The following ZMIZ1 variants were observed in gnomAD, a reference collection of about 807,000 sequenced individuals.
The protein encoded by ZMIZ1 is zinc finger MIZ domain-containing protein 1.
Under a neutral mutation model 113.9 loss-of-function variants are expected in ZMIZ1, and 17 were observed. That is an observed-to-expected ratio of 0.15 (90% CI 0.10 to 0.22). The LOEUF (loss-of-function observed/expected upper bound fraction) is 0.22. Among genes scored for constraint, ZMIZ1 ranks in the 10% least tolerant of loss-of-function variants. The pLI is 1.00. For synonymous variants in ZMIZ1, 607 were observed against 603.1 expected (o/e 1.01, Z -0.09); for missense variants, 1,059 against 1,477.8 (o/e 0.72, Z 4.65).
At chr10:79,269,899 C>G (rs895535404) in intron 7 of ZMIZ1, among the ~76,000 whole-genome samples, 4 of 152,216 alleles carry the variant, frequency 2.6e-5, no homozygotes, top group African/African-American at 9.7e-5. Context: ...CCCCGTGACA[C>G]CCGACCCGAT....
chr10:79,108,012 G>C (rs1843618076), intron 1 of ZMIZ1, among the ~76,000 whole-genome samples: 1 of 152,116 alleles, frequency 6.6e-6, no homozygotes, highest in South Asian at 2.1e-4. Context: ...ATCTGTCTAT[G>C]CAATATAAAG....
At chr10:79,213,318 T>C (rs1026956596) in intron 6 of ZMIZ1, among the ~76,000 whole-genome samples, 3 of 152,134 alleles carry the variant, frequency 2.0e-5, no homozygotes, top group Non-Finnish European at 4.4e-5. Flanking sequence ...ACCCAGGGGA[T>C]AGGAATGCAT....
intron 1 of ZMIZ1, among the ~76,000 whole-genome samples, chr10:79,092,868 T>G (rs1347668428): frequency 6.6e-6 from 1 of 152,084 alleles, no homozygotes; most frequent in Non-Finnish European, 1.5e-5. Context: ...ATTTTGTTTT[T>G]TTTCTTTTGG....
intron 6 of ZMIZ1, among the ~76,000 whole-genome samples, chr10:79,213,195 G>A (rs1003853597): frequency 6.6e-6 from 1 of 152,218 alleles, no homozygotes; most frequent in Non-Finnish European, 1.5e-5. Flanking sequence ...CCACTGGGGT[G>A]AGAATGGGCC....
At chr10:79,163,616 G>A (rs963919046) in intron 4 of ZMIZ1, among the ~76,000 whole-genome samples, 1 of 152,242 alleles carries the variant, frequency 6.6e-6, no homozygotes, top group African/African-American at 2.4e-5. Context: ...AACCCACAGA[G>A]CCATCAGTGC....
chr10:79,267,260 C>T (rs1196476178), intron 7 of ZMIZ1, among the ~76,000 whole-genome samples: 1 of 152,158 alleles, frequency 6.6e-6, no homozygotes, highest in Non-Finnish European at 1.5e-5. Context: ...CAGGGAGCAC[C>T]CAGTGTGAAG....
chr10:79,242,523 C>T lies in ZMIZ1; in HGVS notation c.280+26249C>T, dbSNP rs1022232531. ...AAAATCCTTTAAACCGAGATTTAAT[C>T]TGGATGCCTAGCCCCGCCCTCCCCT... is the stretch of plus-strand genomic sequence containing the variant. On this transcript the variant is annotated intron_variant, in intron 7 of 24. Coordinates refer to ENST00000334512, the MANE Select transcript of ZMIZ1 (RefSeq NM_020338.4). Among the ~76,000 whole-genome samples the T allele has an allele frequency of 5.3e-5, 8 of 152,044 alleles. No homozygotes were observed. The East Asian group carries it at 1.6e-3, about 30-fold the overall frequency.
Position 79,153,625 on chromosome 10 carries a change from G to A in ZMIZ1, c.-130-8428G>A, listed in dbSNP as rs181343289. Among the ~76,000 whole-genome samples, 207 of 152,310 alleles carry A rather than the reference G, an allele frequency of 1.4e-3. 1 individual carries two copies. The highest frequency in any genetic ancestry group is 3.4e-3 in the Middle Eastern group (1 of 292). ...AAATAGCAAGTGCTCCTGTTGCCTG[G>A]GCTCTGAAAGCCAGAGGTTGAACCA... On this transcript the variant is annotated intron_variant, in intron 3 of 24. Transcript: ENST00000334512.
At chr10:79,204,518 G>A (rs894693196) in intron 5 of ZMIZ1, among the ~76,000 whole-genome samples, 4 of 152,304 alleles carry the variant, frequency 2.6e-5, no homozygotes, top group South Asian at 4.1e-4. Flanking sequence ...CACTTCCTGG[G>A]CACCCAGCTG....
chr10:79,305,714 C>T (rs908093547), intron 21 of ZMIZ1, 113 bp downstream of exon 21: 44 of 1,091,846 alleles, frequency 4.0e-5, no homozygotes, highest in South Asian at 3.1e-4. Flanking sequence ...GCCAGCAGAC[C>T]GTGACCCACA....
At chr10:79,198,839 G>A (rs1847948416) in intron 4 of ZMIZ1, among the ~76,000 whole-genome samples, 1 of 152,060 alleles carries the variant, frequency 6.6e-6, no homozygotes, top group South Asian at 2.1e-4. Flanking sequence ...TTCGAGACCA[G>A]CCTGGCCAGT....
chr10:79,247,121 A>G (rs899340181), intron 7 of ZMIZ1, among the ~76,000 whole-genome samples: 1 of 151,780 alleles, frequency 6.6e-6, no homozygotes, highest in Non-Finnish European at 1.5e-5. Flanking sequence ...CCCTGACCTG[A>G]CTGAAGTGGG....
intron 8 of ZMIZ1, chr10:79,285,462 C>T (rs1181964651): frequency 2.2e-6 from 1 of 456,054 alleles, no homozygotes; most frequent in Non-Finnish European, 4.4e-6. Context: ...GATGAGGTTG[C>T]TGAGGCATAC....
At chr10:79,257,107 C>G (rs75081012) in intron 7 of ZMIZ1, among the ~76,000 whole-genome samples, 2,165 of 152,294 alleles carry the variant, frequency 0.014, 22 homozygotes, top group Admixed American at 0.021. Context: ...TAAGCAAGCC[C>G]GAGTGAGCAC....
chr10:79,261,869 C>T lies in ZMIZ1; in HGVS notation c.281-15312C>T, dbSNP rs75635995. On this transcript the variant is annotated intron_variant, in intron 7 of 24. Transcript: ENST00000334512. ...ATGCAGGCAAAGAAACCAAGGTGCA[C>T]ACGCCTGCCAAGATCACATAGTTCA... Among the ~76,000 whole-genome samples, 3 of 152,324 alleles carry T rather than the reference C, an allele frequency of 2.0e-5. No homozygotes were observed. The East Asian group carries it at 5.8e-4, about 29-fold the overall frequency.
intron 1 of ZMIZ1, among the ~76,000 whole-genome samples, chr10:79,093,388 C>T (rs1163822892): frequency 2.0e-5 from 3 of 151,652 alleles, no homozygotes; most frequent in East Asian, 1.9e-4. Context: ...AGTGCAGTAG[C>T]GTGATCTCAG....
chr10:79,242,959 T>G (rs1405322446), intron 7 of ZMIZ1, among the ~76,000 whole-genome samples: 1 of 144,288 alleles, frequency 6.9e-6, no homozygotes, highest in African/African-American at 2.5e-5. Flanking sequence ...GCTGACGGTC[T>G]GCGCGCGCGA....
chr10:79,290,843 C>A, intron 9 of ZMIZ1, 116 bp from the exon 10 acceptor site: 1 of 1,214,208 alleles, frequency 8.2e-7, no homozygotes. Flanking sequence ...TTTTCCTCCT[C>A]CCTGTTGTCC....
chr10:79,196,579 G>A (rs1380104308), intron 4 of ZMIZ1, among the ~76,000 whole-genome samples: 4 of 152,212 alleles, frequency 2.6e-5, no homozygotes, highest in Non-Finnish European at 4.4e-5. Context: ...GTGACCCCAC[G>A]TGGGGCCAGC....
Sources: allele counts gnomAD v4.1 joint callset (sites outside exome capture counted in the v4.1 genomes callset), GRCh38; gene constraint gnomAD v4.1.1; transcripts MANE v1.5; gene names NCBI Gene and HGNC (gene_info 2026-07-23, HGNC 2026-07-21).